The following UGT8 variants were observed in gnomAD, a reference collection of about 807,000 sequenced individuals.
UGT8 encodes the protein UDP glycosyltransferase 8, also known as 2-hydroxyacylsphingosine 1-beta-galactosyltransferase.
Under a neutral mutation model 40.5 loss-of-function variants are expected in UGT8, and 12 were observed. The ratio of observed to expected loss-of-function variants is 0.30; its 90% confidence interval spans 0.19 to 0.48. The LOEUF is 0.48. UGT8 is among the 20% of genes least tolerant of loss of function. The pLI is 0.99. For missense variants in UGT8, 513 were observed against 648.7 expected, an observed-to-expected ratio of 0.79 and a Z score of 2.27; for synonymous variants, 224 against 240.4, an observed-to-expected ratio of 0.93 and a Z score of 0.63.
chr4:114,644,743 T>A (rs926241537), intron 2 of UGT8, among the ~76,000 whole-genome samples: 1 of 152,192 alleles, frequency 6.6e-6, no homozygotes, highest in Non-Finnish European at 1.5e-5. Flanking sequence ...ACACCTATCC[T>A]TCCTCTCTTT....
intron 1 of UGT8, among the ~76,000 whole-genome samples, chr4:114,619,740 A>G (rs1394184147): frequency 1.3e-5 from 2 of 151,936 alleles, no homozygotes; most frequent in African/African-American, 4.8e-5. Context: ...CATAACTTCA[A>G]GATTTGCAGA....
chr4:114,665,954 A>G (rs1483551544), intron 4 of UGT8, among the ~76,000 whole-genome samples, 198 bp downstream of exon 4: 1 of 152,078 alleles, frequency 6.6e-6, no homozygotes, highest in Admixed American at 6.6e-5. Context: ...TTATTGGAAA[A>G]CAGTTTGTAA....
intron 1 of UGT8, among the ~76,000 whole-genome samples, chr4:114,602,076 T>C (rs1730475759): frequency 1.3e-5 from 2 of 152,138 alleles, no homozygotes; most frequent in African/African-American, 4.8e-5. Flanking sequence ...ATATAAAAGG[T>C]TTTAATGTAC....
chr4:114,642,949 A>G (rs1460804807), intron 2 of UGT8, among the ~76,000 whole-genome samples: 1 of 152,198 alleles, frequency 6.6e-6, no homozygotes. Flanking sequence ...ACAAAATTAG[A>G]AACAACTACT....
chr4:114,624,730 C>T (rs74688638), intron 2 of UGT8, among the ~76,000 whole-genome samples: 3,174 of 152,110 alleles, frequency 0.021, 57 homozygotes, highest in Non-Finnish European at 0.031. Flanking sequence ...TAGAAATATA[C>T]GACCTGTAGG....
Position 114,628,329 on chromosome 4 carries a change from AG to A in UGT8, c.822+4630del, listed in dbSNP as rs931465913. Among the ~76,000 whole-genome samples the A allele has an allele frequency of 1.8e-4, 28 of 152,104 alleles. No homozygotes were observed. The East Asian group carries it at 4.3e-3, about 23-fold the overall frequency. On this transcript the variant is annotated intron_variant, in intron 2 of 5. Coordinates refer to ENST00000310836, the MANE Select transcript of UGT8 (RefSeq NM_001128174.3). ...TAATTTTTATATTTTCAGTAGAGACAGGGTTTCGATATGTTGGCCAGGATGG... is the reference window on the plus strand; with the variant it reads ...TAATTTTTATATTTTCAGTAGAGACAGGTTTCGATATGTTGGCCAGGATGG...
In UGT8 at chr4:114,623,702, A is replaced by G. The variant is rs772031808; in HGVS notation, c.822A>G (p.Glu274=). 1.3e-6 allele frequency: 2 copies of G among 1,575,540 alleles called. No individual in the cohort carries two copies. The highest frequency in any genetic ancestry group is 2.3e-5 in the East Asian group (1 of 44,216). Residue 274 remains glutamate (E), a splice_region_variant and synonymous_variant, in exon 2 of 6, where the codon GAA becomes GAG. Coordinates refer to ENST00000310836, the MANE Select transcript of UGT8 (RefSeq NM_001128174.3). ...CCAAACCAGCCAGCCCACTACCAGA[A>G]GTAAGGTTTGCCGAATTCCTTGGTA... The part of the protein sequence containing the change: ...ILTKPASPLP[E]DLQRWVNGAN...
intron 2 of UGT8, among the ~76,000 whole-genome samples, chr4:114,641,640 A>T (rs1181995735): frequency 6.6e-6 from 1 of 152,196 alleles, no homozygotes; most frequent in African/African-American, 2.4e-5. Context: ...TGATTCATAA[A>T]GCGAGAGATT....
intron 2 of UGT8, 33 bp from the exon 3 acceptor site, chr4:114,663,962 T>A (rs1734704442): frequency 6.2e-7 from 1 of 1,612,644 alleles, no homozygotes; most frequent in Admixed American, 1.7e-5. Flanking sequence ...ACATTGGTCT[T>A]CGTAAAACTT....
chr4:114,670,828 G>C (rs1735220318), intron 5 of UGT8, among the ~76,000 whole-genome samples: 1 of 152,154 alleles, frequency 6.6e-6, no homozygotes, highest in Non-Finnish European at 1.5e-5. Flanking sequence ...AGTCAGGCAA[G>C]AGAAAGAAAT....
At chr4:114,655,270 G>T (rs1578452766) in intron 2 of UGT8, among the ~76,000 whole-genome samples, 1 of 151,886 alleles carries the variant, frequency 6.6e-6, no homozygotes, top group East Asian at 1.9e-4. Context: ...CAGTTTATTT[G>T]GGAATAGCAA....
chr4:114,606,980 AT>A (rs1730771679), intron 1 of UGT8, among the ~76,000 whole-genome samples: 1 of 152,190 alleles, frequency 6.6e-6, no homozygotes, highest in African/African-American at 2.4e-5. Flanking sequence ...TACTAGGAAT[AT>A]TGGTGGGAAA....
intron 2 of UGT8, among the ~76,000 whole-genome samples, chr4:114,629,209 A>G (rs1269798826): frequency 3.3e-5 from 5 of 152,226 alleles, no homozygotes; most frequent in Non-Finnish European, 1.5e-5. Context: ...TCATCTATAT[A>G]GTAGTACTAT....
At chr4:114,655,136 T>C (rs1734102190) in intron 2 of UGT8, among the ~76,000 whole-genome samples, 1 of 151,758 alleles carries the variant, frequency 6.6e-6, no homozygotes, top group South Asian at 2.1e-4. Flanking sequence ...GAGGGAAGTT[T>C]AAATTTAAAA....
At chr4:114,649,018 C>T (rs1414721385) in intron 2 of UGT8, among the ~76,000 whole-genome samples, 1 of 152,126 alleles carries the variant, frequency 6.6e-6, no homozygotes, top group African/African-American at 2.4e-5. Flanking sequence ...TATCTTTCTT[C>T]AGTTTCTTCA....
chr4:114,637,910 A>G (rs1732984698), intron 2 of UGT8, among the ~76,000 whole-genome samples: 1 of 152,230 alleles, frequency 6.6e-6, no homozygotes, highest in African/African-American at 2.4e-5. Flanking sequence ...ATTCATTTGC[A>G]AAATAAAGAG....
At chr4:114,616,351 G>C (rs1731431949) in intron 1 of UGT8, among the ~76,000 whole-genome samples, 1 of 152,156 alleles carries the variant, frequency 6.6e-6, no homozygotes, top group South Asian at 2.1e-4. Context: ...ATCTCAGACT[G>C]CTGTGCTAGC....
At chr4:114,629,989 A>G (rs930440613) in intron 2 of UGT8, among the ~76,000 whole-genome samples, 24 of 152,334 alleles carry the variant, frequency 1.6e-4, no homozygotes, top group East Asian at 3.9e-4. Context: ...AAATTTCTCA[A>G]TTAAATTACT....
At chr4:114,611,978 C>G (rs1731121740) in intron 1 of UGT8, among the ~76,000 whole-genome samples, 1 of 152,006 alleles carries the variant, frequency 6.6e-6, no homozygotes, top group South Asian at 2.1e-4. Context: ...GATTGTGATG[C>G]CTGCTGAAGT....
Sources: gnomAD v4.1 joint callset for allele counts (sites outside exome capture counted in the v4.1 genomes callset) on GRCh38, gnomAD v4.1.1 for gene constraint, MANE v1.5 for transcripts, NCBI Gene and HGNC (gene_info 2026-07-23, HGNC 2026-07-21) for gene names.